PCCA: variants seen among roughly 807,000 people sequenced by gnomAD.
PCCA encodes propionyl-CoA carboxylase subunit alpha, also known as propionyl-CoA carboxylase alpha chain, mitochondrial.
In PCCA, 74 loss-of-function variants were observed where a neutral mutation model predicts 101.3. That is an observed-to-expected ratio of 0.73 (90% CI 0.61 to 0.89). The LOEUF is 0.89. PCCA is among the 40% of genes least tolerant of loss of function. PCCA has a pLI of 0.00. For synonymous variants in PCCA, 294 were observed against 313.6 expected (o/e 0.94, Z 0.66); for missense variants, 891 against 907.0 (o/e 0.98, Z 0.23).
chr13:100,495,026 C>T (rs1024112774), intron 21 of PCCA, among the ~76,000 whole-genome samples: 20 of 151,978 alleles, frequency 1.3e-4, no homozygotes, highest in Admixed American at 1.1e-3. Context: ...CTTAGAGGTG[C>T]GATTCTCAAC....
intron 20 of PCCA, among the ~76,000 whole-genome samples, chr13:100,427,052 A>C (rs1028537546): frequency 6.6e-6 from 1 of 152,128 alleles, no homozygotes; most frequent in Non-Finnish European, 1.5e-5. Flanking sequence ...CCCTGTCTCC[A>C]CTACAAATAC....
At position 100,345,912 on chromosome 13, in the gene PCCA, A is replaced by C. The variant is rs140742450; in HGVS notation, c.1643+5653A>C. ...CTAGAAATGGAACAACAAAGCCTGG[A>C]TGACAAAATGTACATTTACAGCATC... On this transcript the variant is annotated intron_variant, in intron 18 of 23. Coordinates refer to ENST00000376285, the MANE Select transcript of PCCA (RefSeq NM_000282.4). 1.2e-4 allele frequency among the ~76,000 whole-genome samples: 18 copies of C among 152,226 alleles called. No individual in the cohort carries two copies. In the East Asian group the frequency reaches 3.5e-3, roughly 29 times the overall value.
At chr13:100,221,081 G>A (rs9513740) in intron 7 of PCCA, among the ~76,000 whole-genome samples, 34,523 of 152,142 alleles carry the variant, frequency 0.23, 5,279 homozygotes, top group East Asian at 0.58. Context: ...GGCTTCTAGA[G>A]TCAGCATGAA....
chr13:100,453,202 A>C (rs2081458920), intron 21 of PCCA, among the ~76,000 whole-genome samples: 1 of 151,706 alleles, frequency 6.6e-6, no homozygotes, highest in African/African-American at 2.4e-5. Flanking sequence ...GAAAAAAGCA[A>C]ATATGAAAAC....
chr13:100,136,876 T>G (rs190622725), intron 4 of PCCA, among the ~76,000 whole-genome samples: 1 of 152,100 alleles, frequency 6.6e-6, no homozygotes, highest in East Asian at 1.9e-4. Context: ...TTTTTCTCTA[T>G]TTTCTCTTTT....
chr13:100,188,548 A>G (rs2057500203), intron 6 of PCCA, among the ~76,000 whole-genome samples: 1 of 152,102 alleles, frequency 6.6e-6, no homozygotes, highest in South Asian at 2.1e-4. Flanking sequence ...TTGTATAATG[A>G]TTTATTTTCC....
intron 12 of PCCA, among the ~76,000 whole-genome samples, chr13:100,287,603 C>T (rs1228983889): frequency 6.6e-6 from 1 of 152,040 alleles, no homozygotes; most frequent in Non-Finnish European, 1.5e-5. Flanking sequence ...TATATTTAAT[C>T]CCGCTGTCTT....
rs35822001 is a variant in PCCA, at chr13:100,341,957, G to GTATATATATATATATA, written c.1643+1708_1643+1723dup. Among the ~76,000 whole-genome samples, 650 of 107,056 alleles carry GTATATATATATATATA rather than the reference G, an allele frequency of 6.1e-3. 24 individuals carry two copies. The highest frequency in any genetic ancestry group is 0.016 in the African/African-American group (384 of 23,306). 70.2% of individuals were successfully genotyped at this position (107,056 alleles called of 152,430 possible). On this transcript the variant is annotated intron_variant, in intron 18 of 23. Coordinates refer to ENST00000376285, the MANE Select transcript of PCCA (RefSeq NM_000282.4). ...TAATGTTTTGGTAGAACCCTTCAAA[G>GTATATATATATATATA]TATATATATATATATATATATATAT...
At position 100,475,619 on chromosome 13, in the gene PCCA, T is replaced by G. The variant is rs558696265; in HGVS notation, c.1899+26314T>G. On this transcript the variant is annotated intron_variant, in intron 21 of 23. Coordinates refer to ENST00000376285, the MANE Select transcript of PCCA (RefSeq NM_000282.4). The stretch of plus-strand genomic sequence containing the variant: ...CTGTTATGAACATTCATGTACGAGT[T>G]TTTGGGGCGACAAGGTTTTAATTTT... 2.0e-5 allele frequency among the ~76,000 whole-genome samples: 3 copies of G among 152,286 alleles called. No individual in the cohort carries two copies. The South Asian group carries it at 6.2e-4, about 32-fold the overall frequency.
intron 21 of PCCA, among the ~76,000 whole-genome samples, chr13:100,458,322 C>CAA (rs1355920998): frequency 4.0e-5 from 5 of 124,478 alleles, no homozygotes; most frequent in Middle Eastern, 4.0e-3. Context: ...CACACACACA[C>CAA]ACACACACAC....
chr13:100,396,805 A>T (rs2077065030), intron 19 of PCCA, among the ~76,000 whole-genome samples: 5 of 152,190 alleles, frequency 3.3e-5, no homozygotes, highest in Admixed American at 2.6e-4. Context: ...AAGTAGTTAT[A>T]GAGGTCATCA....
intron 21 of PCCA, among the ~76,000 whole-genome samples, chr13:100,504,925 A>G (rs2085949003): frequency 1.4e-5 from 2 of 146,788 alleles, no homozygotes; most frequent in Non-Finnish European, 3.0e-5. Flanking sequence ...ACAGAGAGAG[A>G]CTCTGTCTCA....
At chr13:100,101,981 G>A (rs2047326201) in intron 1 of PCCA, among the ~76,000 whole-genome samples, 1 of 152,086 alleles carries the variant, frequency 6.6e-6, no homozygotes, top group Non-Finnish European at 1.5e-5. Context: ...TATTTGAGTC[G>A]TTATCATCTT....
At chr13:100,132,680 A>G (rs1391429502) in intron 4 of PCCA, among the ~76,000 whole-genome samples, 1 of 152,166 alleles carries the variant, frequency 6.6e-6, no homozygotes, top group Non-Finnish European at 1.5e-5. Context: ...TGCTGGTCAT[A>G]TGGTAAGTAT....
intron 16 of PCCA, among the ~76,000 whole-genome samples, chr13:100,320,688 G>T (rs927440090): frequency 6.6e-6 from 1 of 152,144 alleles, no homozygotes; most frequent in Non-Finnish European, 1.5e-5. Context: ...CTTGATCATG[G>T]TGGATAAGCT....
chr13:100,090,664 G>A (rs2046197014), intron 1 of PCCA, among the ~76,000 whole-genome samples: 1 of 152,118 alleles, frequency 6.6e-6, no homozygotes, highest in Non-Finnish European at 1.5e-5. Context: ...GGAGATGCCC[G>A]GGTGCTATAA....
At chr13:100,313,506 A>AG (rs2067098813) in intron 16 of PCCA, among the ~76,000 whole-genome samples, 1 of 152,104 alleles carries the variant, frequency 6.6e-6, no homozygotes, top group African/African-American at 2.4e-5. Context: ...TAGGTGCTTG[A>AG]GGCAGGGTCT....
chr13:100,524,412 T>TGTGTGTGTGTGTGTGTG (rs59438858), intron 22 of PCCA, among the ~76,000 whole-genome samples: 8 of 148,920 alleles, frequency 5.4e-5, no homozygotes, highest in South Asian at 2.1e-4. Flanking sequence ...TGTGTGTGTG[T>TGTGTGTGTGTGTGTGTG]TGGGGTAGAA....
At chr13:100,428,603 G>C (rs1224293280) in intron 20 of PCCA, among the ~76,000 whole-genome samples, 1 of 151,986 alleles carries the variant, frequency 6.6e-6, no homozygotes, top group East Asian at 1.9e-4. Flanking sequence ...TGTCATTCAT[G>C]CTTTAAACCA....
Sources: gnomAD v4.1 joint callset for allele counts (sites outside exome capture counted in the v4.1 genomes callset) on GRCh38, gnomAD v4.1.1 for gene constraint, MANE v1.5 for transcripts, NCBI Gene and HGNC (gene_info 2026-07-23, HGNC 2026-07-21) for gene names.